The following SAR1B variants were observed in gnomAD, a reference collection of about 807,000 sequenced individuals.
SAR1B encodes small COPII coat GTPase SAR1B.
In SAR1B, 23 loss-of-function variants were observed where a neutral mutation model predicts 26.8. That is an observed-to-expected ratio of 0.86 (90% CI 0.62 to 1.22). SAR1B has a LOEUF of 1.22. Among genes scored for constraint, SAR1B ranks in the 50% most tolerant of loss-of-function variants. The pLI is 0.00. For synonymous variants in SAR1B, 65 were observed against 80.8 expected, an observed-to-expected ratio of 0.80 and a Z score of 1.05; for missense variants, 196 against 232.8, an observed-to-expected ratio of 0.84 and a Z score of 1.03.
intron 4 of SAR1B, among the ~76,000 whole-genome samples, chr5:134,610,077 T>C (rs1337683779): frequency 1.3e-5 from 2 of 151,930 alleles, no homozygotes; most frequent in Non-Finnish European, 2.9e-5. Context: ...ATATATGCAG[T>C]GTTCATTTTT....
intron 1 of SAR1B, chr5:134,625,892 A>AT (rs918851605): frequency 6.6e-6 from 1 of 152,096 alleles, no homozygotes; most frequent in Non-Finnish European, 1.5e-5. Flanking sequence ...CAGAAAAAGG[A>AT]TTTTTTGCAT....
At position 134,607,025 on chromosome 5, in the gene SAR1B, T is replaced by G. The variant is rs765945993; in HGVS notation, c.522A>C (p.Glu174Asp). 1 of 1,613,956 alleles carries G rather than the reference T, an allele frequency of 6.2e-7. No individual in the cohort carries two copies. The change falls in exon 7 of 7, where the codon GAA (glutamate) becomes GAC (aspartate). Residue 174 changes from glutamate (E) to aspartate (D), a missense_variant. Transcript: ENST00000402673. ...SLKELNARPL[E>D]VFMCSVLKRQ... is the part of the protein sequence containing the mutation. ...TTTTGAGCACACTACACATGAAAAC[T>G]TCTAAGGGTCGGGCATTCAGTTCTT...
intron 1 of SAR1B, among the ~76,000 whole-genome samples, chr5:134,627,551 C>A (rs1371028910): frequency 4.6e-5 from 7 of 150,994 alleles, no homozygotes; most frequent in Non-Finnish European, 7.4e-5. Flanking sequence ...GTAATCCCAG[C>A]ACTTTGGGAG....
rs774814003 is a variant in SAR1B at position 134,608,323 on chromosome 5, T to C, written c.480+49A>G. On this transcript the variant is annotated intron_variant, in intron 6 of 6. Transcript: ENST00000402673. ...GACAATAGTAATTTAAGAAGACATT[T>C]GTACTGTAGAATTAAACACACCCAT... 17 of 1,509,696 alleles carry C rather than the reference T, an allele frequency of 1.1e-5. No homozygotes were observed. In the East Asian group the frequency reaches 2.0e-4, roughly 17 times the overall value. The allele number at this position is 1,509,696 out of a possible 1,614,324, so 93.5% of individuals were successfully genotyped here.
chr5:134,609,540 G>C, intron 5 of SAR1B, 31 bp downstream of exon 5: 1 of 1,542,830 alleles, frequency 6.5e-7, no homozygotes, highest in Non-Finnish European at 9.0e-7. Context: ...AGAGTGATTT[G>C]ACTATATTTA....
chr5:134,617,887 G>A (rs2150053138), intron 3 of SAR1B, among the ~76,000 whole-genome samples: 1 of 152,112 alleles, frequency 6.6e-6, no homozygotes, highest in Middle Eastern at 3.4e-3. Flanking sequence ...TCACGATGTT[G>A]GCCAGGTTGG....
chr5:134,627,352 CT>C (rs1765510912), intron 1 of SAR1B, among the ~76,000 whole-genome samples: 1 of 151,216 alleles, frequency 6.6e-6, no homozygotes, highest in Non-Finnish European at 1.5e-5. Flanking sequence ...CGCCCCGCCA[CT>C]TTTTATTTTT....
rs920513359 is a variant in SAR1B, at chr5:134,605,962, G to C, written c.*988C>G. 2 of 152,214 alleles carry C rather than the reference G, an allele frequency of 1.3e-5. No homozygotes were observed. The highest frequency in any genetic ancestry group is 3.8e-4 in the East Asian group (2 of 5,198). The allele number at this position is 152,214 out of a possible 1,614,324, so 9.4% of individuals were successfully genotyped here. A position where few individuals can be genotyped will look rare whatever the true frequency, so the allele number is the denominator to read the frequency against. ...GAGTACTGTTAAATGTACAGAGACT[G>C]GGAATATATCTAAATGTGGAGACAC... is the stretch of plus-strand genomic sequence containing the variant. On this transcript the variant is annotated 3_prime_UTR_variant, in exon 7 of 7. Transcript: ENST00000402673.
intron 5 of SAR1B, 37 bp from the exon 6 acceptor site, chr5:134,608,540 A>G (rs368928280): frequency 1.3e-6 from 2 of 1,598,354 alleles, no homozygotes; most frequent in African/African-American, 2.7e-5. Flanking sequence ...AAGAGTTGAT[A>G]TGAAACCATC....
intron 3 of SAR1B, chr5:134,613,812 C>T (rs1765260770): frequency 6.6e-6 from 1 of 152,200 alleles, no homozygotes; most frequent in Admixed American, 6.6e-5. Flanking sequence ...CTCCTCCCTT[C>T]CACTTCTGGG....
At chr5:134,620,851 C>T in intron 3 of SAR1B, 82 bp downstream of exon 3, 1 of 1,519,316 alleles carries the variant, frequency 6.6e-7, no homozygotes, top group South Asian at 1.1e-5. Flanking sequence ...AAGACCCTGT[C>T]TGAAACAAAA....
At chr5:134,619,455 G>C (rs1765368119) in intron 3 of SAR1B, among the ~76,000 whole-genome samples, 1 of 151,874 alleles carries the variant, frequency 6.6e-6, no homozygotes, top group Non-Finnish European at 1.5e-5. Flanking sequence ...GAACACCTAG[G>C]GTCAAGTGAT....
chr5:134,604,205 C>T lies in SAR1B; in HGVS notation c.*2745G>A, dbSNP rs1255431976. ...TAAAAGTGTAAAAGTGGGTTGAGAC[C>T]TTATATTTTTACATTTCAGACTTTA... On this transcript the variant is annotated 3_prime_UTR_variant, in exon 7 of 7. Coordinates refer to ENST00000402673, the MANE Select transcript of SAR1B (RefSeq NM_016103.4). 1.3e-5 allele frequency: 2 copies of T among 152,132 alleles called. No individual in the cohort carries two copies. Among genetic ancestry groups the T allele is most frequent in the African/African-American group, 2.4e-5 (1 of 41,436 alleles). 9.4% of individuals were successfully genotyped at this position (152,132 alleles called of 1,614,324 possible). A position where few individuals can be genotyped will look rare whatever the true frequency, so the allele number is the denominator to read the frequency against.
chr5:134,627,395 C>T (rs551586132), intron 1 of SAR1B, among the ~76,000 whole-genome samples: 16 of 151,906 alleles, frequency 1.1e-4, no homozygotes, highest in South Asian at 4.2e-4. Flanking sequence ...CCAGGGAGCG[C>T]CGTCTCTGCT....
At chr5:134,612,293 C>G (rs910677117) in intron 4 of SAR1B, among the ~76,000 whole-genome samples, 2 of 151,990 alleles carry the variant, frequency 1.3e-5, no homozygotes, top group African/African-American at 4.8e-5. Context: ...TGAAAATCAC[C>G]CTTTGCTTTT....
chr5:134,620,819 A>G (rs536980750), intron 3 of SAR1B, 114 bp downstream of exon 3: 1 of 1,243,288 alleles, frequency 8.0e-7, no homozygotes, highest in South Asian at 1.2e-5. Flanking sequence ...ATACCACTGC[A>G]TTGCAGCCTG....
intron 1 of SAR1B, among the ~76,000 whole-genome samples, chr5:134,630,295 A>G (rs1161752725): frequency 6.6e-6 from 1 of 151,858 alleles, no homozygotes; most frequent in Non-Finnish European, 1.5e-5. Flanking sequence ...GTTTCTACTA[A>G]AAATACAAGA....
chr5:134,606,848 T>C lies in SAR1B; in HGVS notation c.*102A>G, dbSNP rs1356161735. On this transcript the variant is annotated 3_prime_UTR_variant, in exon 7 of 7. Coordinates refer to ENST00000402673, the MANE Select transcript of SAR1B (RefSeq NM_016103.4). ...ATTAATAATCTAAAAAACATCTGTT[T>C]TATAACCAGCAAAAGTCTATTGAAT... The C allele has an allele frequency of 1.2e-6, 1 of 809,946 alleles. No homozygotes were observed. The highest frequency in any genetic ancestry group is 1.7e-5 in the Admixed American group (1 of 58,676). 50.2% of individuals were successfully genotyped at this position (809,946 alleles called of 1,614,324 possible). A position where few individuals can be genotyped will look rare whatever the true frequency, so the allele number is the denominator to read the frequency against.
intron 3 of SAR1B, among the ~76,000 whole-genome samples, chr5:134,619,646 G>A (rs1025382679): frequency 1.6e-4 from 25 of 152,054 alleles, no homozygotes; most frequent in African/African-American, 6.0e-4. Flanking sequence ...TTACAGACAT[G>A]AGCCACCACA....
Sources: allele counts gnomAD v4.1 joint callset (sites outside exome capture counted in the v4.1 genomes callset), GRCh38; gene constraint gnomAD v4.1.1; transcripts MANE v1.5; gene names NCBI Gene and HGNC (gene_info 2026-07-23, HGNC 2026-07-21).